UMPS: variants seen among roughly 807,000 people sequenced by gnomAD.
The protein encoded by UMPS is uridine monophosphate synthetase.
A neutral mutation model predicts 38.9 loss-of-function variants in UMPS; 21 were observed. That is an observed-to-expected ratio of 0.54 (90% CI 0.38 to 0.78). The LOEUF (loss-of-function observed/expected upper bound fraction) is 0.78. UMPS is among the 30% of genes least tolerant of loss of function. The probability of loss-of-function intolerance (pLI) is 0.00; values close to 1 mark genes in which losing one functional copy is unlikely to be tolerated. For synonymous variants in UMPS, 208 were observed against 219.3 expected, an observed-to-expected ratio of 0.95 and a Z score of 0.45; for missense variants, 533 against 591.6, an observed-to-expected ratio of 0.90 and a Z score of 1.03.
intron 3 of UMPS, 141 bp from the exon 4 acceptor site, chr3:124,739,883 C>A: frequency 3.6e-6 from 3 of 824,672 alleles, no homozygotes; most frequent in Non-Finnish European, 2.0e-6. Context: ...TGCTGATAAT[C>A]ACTAAAGTTC....
chr3:124,745,368 ATTT>A lies in UMPS; in HGVS notation c.*1297_*1299del, dbSNP rs11330991. 724 of 435,384 alleles carry A rather than the reference ATTT, an allele frequency of 1.7e-3. No homozygotes were observed. The highest frequency in any genetic ancestry group is 4.8e-3 in the Admixed American group (192 of 40,040). 27.0% of individuals were successfully genotyped at this position (435,384 alleles called of 1,614,324 possible). On this transcript the variant is annotated 3_prime_UTR_variant, in exon 6 of 6. Coordinates refer to ENST00000232607, the MANE Select transcript of UMPS (RefSeq NM_000373.4). ...TTAATGACTCAGAGGAATGCCTAGG[ATTT>A]TTTTTTTTTTTTGAGACAGAATCTC...
Position 124,740,212 on chromosome 3 carries a change from G to A in UMPS, c.1158+13G>A, listed in dbSNP as rs1325662899. Reference sequence around the variant, plus strand: ...CACTAGAGCAGCGGTAAGTGGTGGGGGGACTGGGTGAGAGGGGGCAGGGGC... The same window carrying A: ...CACTAGAGCAGCGGTAAGTGGTGGGAGGACTGGGTGAGAGGGGGCAGGGGC... On this transcript the variant is annotated intron_variant, in intron 4 of 5. Coordinates refer to ENST00000232607, the MANE Select transcript of UMPS (RefSeq NM_000373.4). 1 of 1,601,062 alleles carries A rather than the reference G, an allele frequency of 6.2e-7. No homozygotes were observed. The highest frequency in any genetic ancestry group is 8.5e-7 in the Non-Finnish European group (1 of 1,172,118).
Position 124,742,280 on chromosome 3 carries a change from C to T in UMPS, c.1273+14C>T, listed in dbSNP as rs374339942. The T allele has an allele frequency of 2.7e-4, 425 of 1,587,906 alleles. 6 individuals carry two copies. The highest frequency in any genetic ancestry group is 1.4e-3 in the South Asian group (127 of 90,560). ...TGGAAGCAGGAGGTAAATCTGGTCACTGGTCGTGGCTCTTCCAAAAATGCT... is the reference window on the plus strand; with the variant it reads ...TGGAAGCAGGAGGTAAATCTGGTCATTGGTCGTGGCTCTTCCAAAAATGCT... On this transcript the variant is annotated intron_variant, in intron 5 of 5. Coordinates refer to ENST00000232607, the MANE Select transcript of UMPS (RefSeq NM_000373.4).
rs1238199849 is a variant in UMPS, at chr3:124,748,010, C to CCTTTT, written c.*3926_*3927insCTTTT. On this transcript the variant is annotated 3_prime_UTR_variant, in exon 6 of 6. Coordinates refer to ENST00000232607, the MANE Select transcript of UMPS (RefSeq NM_000373.4). ...AAAGGGCATTCCTTTTTGAAGGAATCTGATACTAAACACAAAGCATGAGAA... is the reference window on the plus strand; with the variant it reads ...AAAGGGCATTCCTTTTTGAAGGAATCCTTTTTGATACTAAACACAAAGCATGAGAA... 2.2e-6 allele frequency: 1 copy of CCTTTT among 452,312 alleles called. No individual in the cohort carries two copies. Among genetic ancestry groups the CCTTTT allele is most frequent in the East Asian group, 6.9e-5 (1 of 14,390 alleles). The allele number at this position is 452,312 out of a possible 1,614,324, so 28.0% of individuals were successfully genotyped here.
At position 124,747,636 on chromosome 3, in the gene UMPS, T is replaced by TAGTG; in HGVS notation, c.*3553_*3556dup. Reference sequence around the variant, plus strand: ...GCCTGGGAGCGTGATAAATGCTTAGTAGTGCATGCCATGGAGTTCCAGGGT... The same window carrying TAGTG: ...GCCTGGGAGCGTGATAAATGCTTAGTAGTGAGTGCATGCCATGGAGTTCCAGGGT... On this transcript the variant is annotated 3_prime_UTR_variant, in exon 6 of 6. Coordinates refer to ENST00000232607, the MANE Select transcript of UMPS (RefSeq NM_000373.4). 1 of 452,666 alleles carries TAGTG rather than the reference T, an allele frequency of 2.2e-6. No homozygotes were observed. Among genetic ancestry groups the TAGTG allele is most frequent in the Non-Finnish European group, 4.4e-6 (1 of 225,534 alleles). 28.0% of individuals were successfully genotyped at this position (452,666 alleles called of 1,614,324 possible).
At chr3:124,738,905 A>G (rs374773425) in intron 3 of UMPS, among the ~76,000 whole-genome samples, 18 of 152,336 alleles carry the variant, frequency 1.2e-4, no homozygotes, top group African/African-American at 4.3e-4. Context: ...GTGTGATCAG[A>G]CTATATTTAA....
chr3:124,745,996 A>G lies in UMPS; in HGVS notation c.*1912A>G, dbSNP rs2063593893. The G allele has an allele frequency of 4.4e-6, 2 of 453,982 alleles. No individual in the cohort carries two copies. The highest frequency in any genetic ancestry group is 4.4e-6 in the Non-Finnish European group (1 of 226,788). The allele number at this position is 453,982 out of a possible 1,614,324, so 28.1% of individuals were successfully genotyped here. On this transcript the variant is annotated 3_prime_UTR_variant, in exon 6 of 6. Coordinates refer to ENST00000232607, the MANE Select transcript of UMPS (RefSeq NM_000373.4). ...GGCTTGAGAATTTGCGTTTCCAAAA[A>G]GGTCCCAGGTGATGCTGCGGTTGCC... is the stretch of plus-strand genomic sequence containing the variant.
chr3:124,740,165 G>C lies in UMPS; in HGVS notation c.1124G>C (p.Gly375Ala). The change falls in exon 4 of 6, where the codon GGC becomes GCC. Residue 375 changes from glycine (G) to alanine (A), a missense_variant. By Grantham distance (60) the Gly-to-Ala change is moderately conservative (BLOSUM62 0). Transcript: ENST00000232607. ...CTTATTGCGGAAATGAGCTCCACCG[G>C]CTCCCTGGCCACTGGGGACTACACT... The part of the protein sequence containing the change: ...CLLIAEMSST[G>A]SLATGDYTRA... 2 of 1,613,488 alleles carry C rather than the reference G, an allele frequency of 1.2e-6. No individual in the cohort carries two copies. Among genetic ancestry groups the C allele is most frequent in the Admixed American group, 1.7e-5 (1 of 60,012 alleles).
intron 5 of UMPS, among the ~76,000 whole-genome samples, chr3:124,743,560 C>G (rs1396472765): frequency 6.6e-6 from 1 of 151,464 alleles, no homozygotes; most frequent in Non-Finnish European, 1.5e-5. Context: ...ATGGCATGAA[C>G]CTGGGAGGCA....
intron 1 of UMPS, 76 bp downstream of exon 1, chr3:124,730,703 G>T: frequency 6.5e-7 from 1 of 1,547,380 alleles, no homozygotes; most frequent in African/African-American, 1.4e-5. Context: ...GGTGACAGGA[G>T]TTGGGCCGTG....
At position 124,747,391 on chromosome 3, in the gene UMPS, A is replaced by C; in HGVS notation, c.*3307A>C. ...TAGCTGCTAATGCTGGCCTGGGTGCAGTTCTCATCCAAAGTACCCGGTGGG... is the reference window on the plus strand; with the variant it reads ...TAGCTGCTAATGCTGGCCTGGGTGCCGTTCTCATCCAAAGTACCCGGTGGG... On this transcript the variant is annotated 3_prime_UTR_variant, in exon 6 of 6. Transcript: ENST00000232607. The C allele has an allele frequency of 2.2e-6, 1 of 454,388 alleles. No homozygotes were observed. The highest frequency in any genetic ancestry group is 2.3e-5 in the Admixed American group (1 of 42,558). 28.1% of individuals were successfully genotyped at this position (454,388 alleles called of 1,614,324 possible).
chr3:124,747,183 G>A lies in UMPS; in HGVS notation c.*3099G>A, dbSNP rs1030412086. 1 of 453,600 alleles carries A rather than the reference G, an allele frequency of 2.2e-6. No homozygotes were observed. Among genetic ancestry groups the A allele is most frequent in the Non-Finnish European group, 4.4e-6 (1 of 226,518 alleles). 28.1% of individuals were successfully genotyped at this position (453,600 alleles called of 1,614,324 possible). On this transcript the variant is annotated 3_prime_UTR_variant, in exon 6 of 6. Transcript: ENST00000232607. ...GGAACTACAGGCGTGCACCACCACAGCTGGTTAATTTTTAAAATTTTTTGT... is the reference window on the plus strand; with the variant it reads ...GGAACTACAGGCGTGCACCACCACAACTGGTTAATTTTTAAAATTTTTTGT...
chr3:124,740,068 C>A lies in UMPS; in HGVS notation c.1027C>A (p.His343Asn). The A allele has an allele frequency of 3.1e-6, 5 of 1,614,114 alleles. No individual in the cohort carries two copies. The South Asian group carries it at 3.3e-5, about 11-fold the overall frequency. Residue 343 changes from histidine (H) to asparagine (N), a missense_variant, in exon 4 of 6, where the codon CAC becomes AAC. Coordinates refer to ENST00000232607, the MANE Select transcript of UMPS (RefSeq NM_000373.4). ...IASWADLVNA[H>N]VVPGSGVVKG... Reference sequence around the variant, plus strand: ...TTCCTGGGCAGATCTAGTAAATGCTCACGTGGTGCCAGGCTCAGGAGTTGT... The same window carrying A: ...TTCCTGGGCAGATCTAGTAAATGCTAACGTGGTGCCAGGCTCAGGAGTTGT...
chr3:124,735,503 T>A (rs934227488), intron 2 of UMPS, among the ~76,000 whole-genome samples: 1 of 152,150 alleles, frequency 6.6e-6, no homozygotes, highest in African/African-American at 2.4e-5. Context: ...TTTTTTTTTT[T>A]ACCAGCCCTT....
chr3:124,737,528 A>G (rs759559455), intron 2 of UMPS, 40 bp from the exon 3 acceptor site: 6 of 1,587,276 alleles, frequency 3.8e-6, no homozygotes, highest in Non-Finnish European at 5.2e-6. Flanking sequence ...ATATACATAC[A>G]TATTTAAATT....
chr3:124,740,540 A>G (rs749414472), intron 4 of UMPS, among the ~76,000 whole-genome samples: 4 of 152,184 alleles, frequency 2.6e-5, no homozygotes, highest in Non-Finnish European at 5.9e-5. Context: ...AGCTTCCCAG[A>G]CATGCAGTTT....
chr3:124,745,296 A>G lies in UMPS; in HGVS notation c.*1212A>G, dbSNP rs1028763603. 6.6e-6 allele frequency: 3 copies of G among 453,870 alleles called. No homozygotes were observed. The highest frequency in any genetic ancestry group is 1.6e-5 in the South Asian group (1 of 64,464). The allele number at this position is 453,870 out of a possible 1,614,324, so 28.1% of individuals were successfully genotyped here. ...GGGGCCCACCTGCAGGAAGTGGCAC[A>G]GGATCAGCCATTTCCCCACCCTTGT... On this transcript the variant is annotated 3_prime_UTR_variant, in exon 6 of 6. Transcript: ENST00000232607.
At position 124,748,610 on chromosome 3, in the gene UMPS, G is replaced by A; in HGVS notation, c.*4526G>A. 2.2e-6 allele frequency: 1 copy of A among 454,098 alleles called. No individual in the cohort carries two copies. Among genetic ancestry groups the A allele is most frequent in the Non-Finnish European group, 4.4e-6 (1 of 226,780 alleles). The allele number at this position is 454,098 out of a possible 1,614,324, so 28.1% of individuals were successfully genotyped here. ...ATCCTGGTGTGGGCTCTCACGTGCT[G>A]CTGCTGAATCCCAGGGAAGGAGGGA... On this transcript the variant is annotated 3_prime_UTR_variant, in exon 6 of 6. Transcript: ENST00000232607.
rs1204511821 is a variant in UMPS at position 124,748,701 on chromosome 3, T to G, written c.*4617T>G. The G allele has an allele frequency of 2.2e-6, 1 of 452,304 alleles. No individual in the cohort carries two copies. Among genetic ancestry groups the G allele is most frequent in the East Asian group, 7.0e-5 (1 of 14,380 alleles). 28.0% of individuals were successfully genotyped at this position (452,304 alleles called of 1,614,324 possible). A position where few individuals can be genotyped will look rare whatever the true frequency, so the allele number is the denominator to read the frequency against. On this transcript the variant is annotated 3_prime_UTR_variant, in exon 6 of 6. Coordinates refer to ENST00000232607, the MANE Select transcript of UMPS (RefSeq NM_000373.4). ...CAGCAGAGGAGGTCTGTGTCATGTTTTTCAGCGCTGGGGTTGGGGGGAGCC... is the reference window on the plus strand; with the variant it reads ...CAGCAGAGGAGGTCTGTGTCATGTTGTTCAGCGCTGGGGTTGGGGGGAGCC...
Sources: gnomAD v4.1 joint callset for allele counts (sites outside exome capture counted in the v4.1 genomes callset) on GRCh38, gnomAD v4.1.1 for gene constraint, MANE v1.5 for transcripts, NCBI Gene and HGNC (gene_info 2026-07-23, HGNC 2026-07-21) for gene names.